The following AAK1 variants were observed in gnomAD, a reference collection of about 807,000 sequenced individuals.
AAK1 encodes the protein AP2 associated kinase 1.
AAK1 carries 37 observed loss-of-function variants against 116.0 expected under a neutral mutation model. The observed-to-expected ratio is 0.32, with a 90% CI of 0.25 to 0.42. The LOEUF (loss-of-function observed/expected upper bound fraction) is 0.42. Among genes scored for constraint, AAK1 ranks in the 10% least tolerant of loss-of-function variants. The pLI is 1.00. For missense variants in AAK1, 919 were observed against 1,170.6 expected (o/e 0.79, Z 3.14); for synonymous variants, 458 against 439.9 (o/e 1.04, Z -0.51).
At position 69,519,026 on chromosome 2, in the gene AAK1, C is replaced by A; in HGVS notation, c.1425G>T (p.Gln475His). Residue 475 changes from glutamine to histidine, a missense_variant, in exon 12 of 22, where the codon CAG becomes CAT. Gln to His is a conservative substitution (Grantham distance 24). Around this residue, in one of 4 missense-constraint regions of AAK1, gnomAD observed 214 missense variants for 210.6 expected, o/e 1.02. Coordinates refer to ENST00000409085, the MANE Select transcript of AAK1 (RefSeq NM_014911.5). ...QQLFLKQQQQ[Q>H]QQPPPAQQQP... ...GCTGCTGTGCTGGCGGTGGCTGTTG[C>A]TGCTGCTGTTGCTGCTTGAGGAAGA... The A allele has an allele frequency of 6.5e-7, 1 of 1,550,034 alleles. No individual in the cohort carries two copies. Among genetic ancestry groups the A allele is most frequent in the South Asian group, 1.2e-5 (1 of 83,992 alleles).
At chr2:69,550,337 G>A (rs1361833986) in intron 3 of AAK1, among the ~76,000 whole-genome samples, 1 of 151,892 alleles carries the variant, frequency 6.6e-6, no homozygotes, top group East Asian at 1.9e-4. Context: ...ATGGTATTTT[G>A]CTCTGTCACC....
chr2:69,621,959 C>T (rs1180008791), intron 2 of AAK1, among the ~76,000 whole-genome samples: 3 of 152,256 alleles, frequency 2.0e-5, no homozygotes, highest in African/African-American at 4.8e-5. Flanking sequence ...GACGCCTCCT[C>T]GGCCTTGGCG....
intron 2 of AAK1, among the ~76,000 whole-genome samples, chr2:69,608,665 C>T (rs1469400431): frequency 2.6e-5 from 4 of 152,274 alleles, no homozygotes; most frequent in East Asian, 3.9e-4. Context: ...TCCCCAAGAA[C>T]TCAGAAATGT....
intron 2 of AAK1, among the ~76,000 whole-genome samples, chr2:69,607,466 C>T (rs542935060): frequency 1.3e-5 from 2 of 152,112 alleles, no homozygotes; most frequent in South Asian, 2.1e-4. Context: ...CTTTTCTTTC[C>T]CATGAGTATT....
rs1224301689 is a variant in AAK1 at position 69,518,968 on chromosome 2, C to T, written c.1483G>A (p.Ala495Thr). Reference sequence around the variant, plus strand: ...GACCACCTTACCTGCTGAGTCTGGGCCTGCTGCTGCTGGTAAAACGTGCCT... The same window carrying T: ...GACCACCTTACCTGCTGAGTCTGGGTCTGCTGCTGCTGGTAAAACGTGCCT... ...PAGTFYQQQQ[A>T]QTQQFQAVHP... Residue 495 changes from alanine to threonine, a missense_variant, in exon 12 of 22, where the codon GCC becomes ACC. This residue lies in a region of AAK1 where 214 missense variants were observed against 210.6 expected (regional missense o/e 1.02). Coordinates refer to ENST00000409085, the MANE Select transcript of AAK1 (RefSeq NM_014911.5). 2 of 1,547,298 alleles carry T rather than the reference C, an allele frequency of 1.3e-6. No individual in the cohort carries two copies. The highest frequency in any genetic ancestry group is 1.7e-6 in the Non-Finnish European group (2 of 1,145,606).
Position 69,562,790 on chromosome 2 carries a change from T to C in AAK1, c.164-5812A>G, listed in dbSNP as rs148691234. ...CTGTAGTCCCAGCTACTCGGAAGCC[T>C]GAGGCAGGAGAATTGCTTGAACCTG... On this transcript the variant is annotated intron_variant, in intron 2 of 21. Coordinates refer to ENST00000409085, the MANE Select transcript of AAK1 (RefSeq NM_014911.5). 7.9e-3 allele frequency among the ~76,000 whole-genome samples: 1,198 copies of C among 152,306 alleles called. 10 individuals carry two copies. Among genetic ancestry groups the C allele is most frequent in the Non-Finnish European group, 0.011 (777 of 68,034 alleles).
At chr2:69,502,120 G>T (rs891687610) in intron 16 of AAK1, among the ~76,000 whole-genome samples, 4 of 151,134 alleles carry the variant, frequency 2.6e-5, no homozygotes, top group African/African-American at 9.7e-5. Context: ...AGAAAAAGAG[G>T]AACACAAATA....
intron 12 of AAK1, 116 bp downstream of exon 12, chr2:69,518,838 A>G (rs763877454): frequency 1.4e-5 from 19 of 1,382,416 alleles, no homozygotes; most frequent in Non-Finnish European, 1.5e-5. Context: ...ATCTACATCT[A>G]TGAGAAACAG....
At chr2:69,626,743 C>T (rs1387532602) in intron 2 of AAK1, among the ~76,000 whole-genome samples, 1 of 150,816 alleles carries the variant, frequency 6.6e-6, no homozygotes, top group South Asian at 2.1e-4. Flanking sequence ...CAAGCAATCC[C>T]CCTGCCTTGG....
Position 69,466,183 on chromosome 2 carries a change from T to G in AAK1, c.*9686A>C, listed in dbSNP as rs1284858226. On this transcript the variant is annotated 3_prime_UTR_variant, in exon 22 of 22. Coordinates refer to ENST00000409085, the MANE Select transcript of AAK1 (RefSeq NM_014911.5). ...GTGAAGGCTTGAAACTGGTTCTTTC[T>G]TCCACCTTGCACTGTCTTTGCTTGC... 14 of 1,289,754 alleles carry G rather than the reference T, an allele frequency of 1.1e-5. No homozygotes were observed. Among genetic ancestry groups the G allele is most frequent in the Non-Finnish European group, 1.4e-5 (14 of 988,878 alleles). The allele number at this position is 1,289,754 out of a possible 1,614,324, so 79.9% of individuals were successfully genotyped here.
intron 2 of AAK1, among the ~76,000 whole-genome samples, chr2:69,594,405 T>C (rs969339344): frequency 6.6e-6 from 1 of 152,210 alleles, no homozygotes; most frequent in Non-Finnish European, 1.5e-5. Flanking sequence ...AGGACAGTCA[T>C]GTTATCGTGA....
intron 3 of AAK1, among the ~76,000 whole-genome samples, chr2:69,556,022 C>T (rs1671372183): frequency 6.6e-6 from 1 of 151,822 alleles, no homozygotes; most frequent in African/African-American, 2.4e-5. Flanking sequence ...TATATTATTT[C>T]CTCCATATAT....
At chr2:69,507,693 T>C (rs1676239526) in intron 14 of AAK1, 115 bp from the exon 15 acceptor site, 1 of 1,078,664 alleles carries the variant, frequency 9.3e-7, no homozygotes, top group South Asian at 2.0e-5. Context: ...CAAACCATCA[T>C]TTTCCACCAC....
chr2:69,533,172 A>C (rs1408341620), intron 5 of AAK1, among the ~76,000 whole-genome samples: 1 of 152,198 alleles, frequency 6.6e-6, no homozygotes, highest in Non-Finnish European at 1.5e-5. Flanking sequence ...GTAGACTATA[A>C]AATAGTCTAC....
intron 2 of AAK1, among the ~76,000 whole-genome samples, chr2:69,588,907 G>A (rs1315835351): frequency 1.3e-5 from 2 of 152,124 alleles, no homozygotes. Context: ...TGAAAGAACT[G>A]CTACCAAAAA....
Position 69,474,744 on chromosome 2 carries a change from T to C in AAK1, c.*1125A>G, listed in dbSNP as rs1674790371. Reference sequence around the variant, plus strand: ...CTGCTGAAAGCTTATAGCACACAAGTCTATTCAAAATGATTCCATATGTTA... The same window carrying C: ...CTGCTGAAAGCTTATAGCACACAAGCCTATTCAAAATGATTCCATATGTTA... On this transcript the variant is annotated 3_prime_UTR_variant, in exon 22 of 22. Transcript: ENST00000409085. 3 of 985,716 alleles carry C rather than the reference T, an allele frequency of 3.0e-6. No individual in the cohort carries two copies. The highest frequency in any genetic ancestry group is 3.6e-6 in the Non-Finnish European group (3 of 829,910). 61.1% of individuals were successfully genotyped at this position (985,716 alleles called of 1,614,324 possible). A position where few individuals can be genotyped will look rare whatever the true frequency, so the allele number is the denominator to read the frequency against.
intron 13 of AAK1, among the ~76,000 whole-genome samples, chr2:69,510,683 CCT>C (rs1408309458): frequency 6.6e-6 from 1 of 152,120 alleles, no homozygotes; most frequent in African/African-American, 2.4e-5. Flanking sequence ...ATAAGCATTC[CCT>C]TTTTTGTTTT....
rs895005484 is a variant in AAK1, at chr2:69,519,373, C to G, written c.1211-133G>C. The G allele has an allele frequency of 4.8e-6, 6 of 1,249,070 alleles. No homozygotes were observed. The African/African-American group carries it at 9.1e-5, about 19-fold the overall frequency. 77.4% of individuals were successfully genotyped at this position (1,249,070 alleles called of 1,614,324 possible). A position where few individuals can be genotyped will look rare whatever the true frequency, so the allele number is the denominator to read the frequency against. ...TCAAGATTCGTGTCCTCCTCACTGT[C>G]TTTCCACATGCTCTGTCCCACCTGG... On this transcript the variant is annotated intron_variant, in intron 11 of 21. Coordinates refer to ENST00000409085, the MANE Select transcript of AAK1 (RefSeq NM_014911.5).
chr2:69,643,427 G>A, intron 1 of AAK1, 148 bp downstream of exon 1: 1 of 1,179,282 alleles, frequency 8.5e-7, no homozygotes, highest in Non-Finnish European at 1.1e-6. Context: ...ACGCGACCCC[G>A]GCCCCAGAAC....
Sources: gnomAD v4.1 joint callset for allele counts (sites outside exome capture counted in the v4.1 genomes callset) on GRCh38, gnomAD v4.1.1 for gene constraint, gnomAD v4.1.1 regional missense constraint, MANE v1.5 for transcripts, NCBI Gene and HGNC (gene_info 2026-07-23, HGNC 2026-07-21) for gene names.